The following CFAP299 variants were observed in gnomAD, a reference collection of about 807,000 sequenced individuals.
The protein encoded by CFAP299 is cilia and flagella associated protein 299.
CFAP299 carries 21 observed loss-of-function variants against 27.0 expected under a neutral mutation model. The observed-to-expected ratio is 0.78, with a 90% CI of 0.55 to 1.12. The LOEUF is 1.12. Ranked by LOEUF, CFAP299 falls within the 50% of genes most tolerant of loss-of-function variation. The pLI is 0.00. For missense variants in CFAP299, 310 were observed against 276.6 expected (o/e 1.12, Z -0.86); for synonymous variants, 104 against 98.1 (o/e 1.06, Z -0.36).
intron 4 of CFAP299, among the ~76,000 whole-genome samples, chr4:80,892,613 CAATG>C (rs749663938): frequency 8.6e-5 from 13 of 151,560 alleles, no homozygotes; most frequent in Non-Finnish European, 1.5e-4. Context: ...CATTTTCACA[CAATG>C]AAGAATAAAA....
chr4:80,934,100 C>T (rs1306364472), intron 4 of CFAP299, among the ~76,000 whole-genome samples: 1 of 151,932 alleles, frequency 6.6e-6, no homozygotes, highest in Non-Finnish European at 1.5e-5. Flanking sequence ...GAAGTGCATT[C>T]CTTCTGTATT....
At chr4:80,687,072 T>C (rs929235260) in intron 3 of CFAP299, among the ~76,000 whole-genome samples, 2 of 152,198 alleles carry the variant, frequency 1.3e-5, no homozygotes, top group African/African-American at 2.4e-5. Flanking sequence ...GACATTCAAG[T>C]CATTCCAACA....
chr4:80,560,269 CT>C (rs1199451747), intron 2 of CFAP299, among the ~76,000 whole-genome samples: 2 of 151,988 alleles, frequency 1.3e-5, no homozygotes, highest in Admixed American at 1.3e-4. Context: ...CATTTATCAC[CT>C]GCTAACTGAA....
intron 2 of CFAP299, among the ~76,000 whole-genome samples, chr4:80,512,640 G>A (rs773749029): frequency 2.0e-5 from 3 of 152,052 alleles, no homozygotes; most frequent in African/African-American, 2.4e-5. Context: ...GGTTCAAATC[G>A]CAGCTCTATT....
chr4:80,590,505 G>T (rs553619796), intron 3 of CFAP299, among the ~76,000 whole-genome samples: 6 of 152,026 alleles, frequency 3.9e-5, no homozygotes, highest in Non-Finnish European at 7.4e-5. Context: ...GGGTGTGGTG[G>T]CGGGTGCCTG....
At chr4:80,332,182 A>C (rs1245949626), upstream of CFAP299, among the ~76,000 whole-genome samples, 1 of 152,210 alleles carries the variant, frequency 6.6e-6, no homozygotes, top group African/African-American at 2.4e-5. Context: ...GACTTTGGTG[A>C]AAATCGTGGA....
chr4:80,846,735 T>C (rs1731204933), intron 3 of CFAP299, among the ~76,000 whole-genome samples: 1 of 152,140 alleles, frequency 6.6e-6, no homozygotes, highest in African/African-American at 2.4e-5. Context: ...TCCTCTGTTG[T>C]TTGTCTCAGG....
At chr4:80,807,190 C>T (rs1728907224) in intron 3 of CFAP299, among the ~76,000 whole-genome samples, 1 of 152,016 alleles carries the variant, frequency 6.6e-6, no homozygotes, top group Admixed American at 6.6e-5. Flanking sequence ...AATATAAAAA[C>T]TTATTTAGGA....
At chr4:80,860,757 G>A (rs181116755) in intron 3 of CFAP299, among the ~76,000 whole-genome samples, 28 of 152,250 alleles carry the variant, frequency 1.8e-4, no homozygotes, top group Admixed American at 9.2e-4. Flanking sequence ...CTCTCTGATC[G>A]TTCCTCTGGA....
chr4:80,383,979 T>C (rs1372916068), intron 2 of CFAP299, among the ~76,000 whole-genome samples: 1 of 152,142 alleles, frequency 6.6e-6, no homozygotes, highest in Non-Finnish European at 1.5e-5. Context: ...TATAACATGG[T>C]AGAAGATCTT....
At position 80,866,081 on chromosome 4, in the gene CFAP299, A is replaced by ATATATATAAATATATG. The variant is rs1553901553; in HGVS notation, c.334-3904_334-3903insAATATATGTATATATA. Among the ~76,000 whole-genome samples the ATATATATAAATATATG allele has an allele frequency of 4.3e-4, 53 of 122,564 alleles. 1 individual carries two copies. The highest frequency in any genetic ancestry group is 1.5e-3 in the African/African-American group (51 of 34,518). 80.4% of individuals were successfully genotyped at this position (122,564 alleles called of 152,430 possible). On this transcript the variant is annotated intron_variant, in intron 3 of 5. Transcript: ENST00000358105. ...GTATTATATATATATATATATATAT[A>ATATATATAAATATATG]TATATATATATATATCTTCCCAAAT...
chr4:80,510,331 T>C (rs923197961), intron 2 of CFAP299, among the ~76,000 whole-genome samples: 3 of 152,200 alleles, frequency 2.0e-5, no homozygotes, highest in Non-Finnish European at 2.9e-5. Flanking sequence ...ACCCATCTTC[T>C]AGCTGCTGTG....
chr4:80,752,445 CTA>C (rs995649301), intron 3 of CFAP299, among the ~76,000 whole-genome samples: 1 of 144,984 alleles, frequency 6.9e-6, no homozygotes, highest in Non-Finnish European at 1.5e-5. Flanking sequence ...TATATATATA[CTA>C]TATATATAAA....
chr4:80,837,081 T>C (rs1250285950), intron 3 of CFAP299, among the ~76,000 whole-genome samples: 2 of 152,014 alleles, frequency 1.3e-5, no homozygotes, highest in Admixed American at 6.6e-5. Flanking sequence ...GCTTCTGAGA[T>C]GATGTCTTTT....
At chr4:80,870,718 A>C in intron 4 of CFAP299, 2 of 985,408 alleles carry the variant, frequency 2.0e-6, no homozygotes, top group South Asian at 4.7e-5. Context: ...GCAAGCTAAA[A>C]CTTTTTATTC....
In CFAP299 at chr4:80,584,927, A is replaced by G. The variant is rs139635373; in HGVS notation, c.333+1744A>G. 2.4e-3 allele frequency among the ~76,000 whole-genome samples: 371 copies of G among 152,214 alleles called. 1 individual carries two copies. The highest frequency in any genetic ancestry group is 3.4e-3 in the Non-Finnish European group (230 of 67,988). The stretch of plus-strand genomic sequence containing the variant: ...GAATAATCAAATAATCATTATTTGT[A>G]TAGAAATAAAGCCAAAATGCAATGT... On this transcript the variant is annotated intron_variant, in intron 3 of 5. Coordinates refer to ENST00000358105, the MANE Select transcript of CFAP299 (RefSeq NM_152770.3).
At position 80,775,704 on chromosome 4, in the gene CFAP299, G is replaced by A. The variant is rs185966434; in HGVS notation, c.334-94289G>A. Among the ~76,000 whole-genome samples, 778 of 152,162 alleles carry A rather than the reference G, an allele frequency of 5.1e-3. 4 individuals are homozygous for A. The highest frequency in any genetic ancestry group is 0.02 in the Middle Eastern group (6 of 294). ...GTTTGTAAAAAGGCTTAAAATCTTG[G>A]ACTTCTGAGAATTTTGGAGAATATT... On this transcript the variant is annotated intron_variant, in intron 3 of 5. Transcript: ENST00000358105.
At chr4:80,577,719 T>C (rs1161490822) in intron 2 of CFAP299, among the ~76,000 whole-genome samples, 1 of 152,120 alleles carries the variant, frequency 6.6e-6, no homozygotes, top group Non-Finnish European at 1.5e-5. Context: ...ATCTTAATGA[T>C]TAATCAAACT....
At chr4:80,733,154 G>T (rs368402868) in intron 3 of CFAP299, among the ~76,000 whole-genome samples, 1 of 152,000 alleles carries the variant, frequency 6.6e-6, no homozygotes, top group Non-Finnish European at 1.5e-5. Context: ...ATGGATATTG[G>T]ATGTGACTTA....
Sources: allele counts gnomAD v4.1 joint callset (sites outside exome capture counted in the v4.1 genomes callset), GRCh38; gene constraint gnomAD v4.1.1; transcripts MANE v1.5; gene names NCBI Gene and HGNC (gene_info 2026-07-23, HGNC 2026-07-21).